Variants in IL7 observed in about 807,000 individuals in gnomAD.
IL7 encodes interleukin-7.
IL7 carries 3 observed loss-of-function variants against 21.6 expected under a neutral mutation model. The ratio of observed to expected loss-of-function variants is 0.14; its 90% CI spans 0.06 to 0.36. The LOEUF (loss-of-function observed/expected upper bound fraction) is 0.36, where lower values mean the gene tolerates loss of function less well. Among genes scored for constraint, IL7 ranks in the 10% least tolerant of loss-of-function variants. The pLI, the probability that IL7 is intolerant of heterozygous loss-of-function variation, is 1.00. For missense variants in IL7, 175 were observed against 200.2 expected, an observed-to-expected ratio of 0.87 and a Z score of 0.76; for synonymous variants, 62 against 68.1, an observed-to-expected ratio of 0.91 and a Z score of 0.44.
At chr8:78,681,020 C>CTTT (rs1809760019) in intron 4 of IL7, among the ~76,000 whole-genome samples, 1 of 151,364 alleles carries the variant, frequency 6.6e-6, no homozygotes, top group South Asian at 2.1e-4. Context: ...CCTTAGAAAA[C>CTTT]ATTAGTGAAA....
At chr8:78,794,146 G>T (rs1813781663) in intron 2 of IL7, among the ~76,000 whole-genome samples, 1 of 152,044 alleles carries the variant, frequency 6.6e-6, no homozygotes, top group Non-Finnish European at 1.5e-5. Context: ...TGGATATTTT[G>T]ACCTCCTCCC....
At chr8:78,681,734 T>G (rs948528509) in intron 4 of IL7, among the ~76,000 whole-genome samples, 2 of 152,146 alleles carry the variant, frequency 1.3e-5, no homozygotes, top group Admixed American at 6.5e-5. Flanking sequence ...ATTTTATATT[T>G]GTTCTGGTAT....
intron 2 of IL7, among the ~76,000 whole-genome samples, chr8:78,792,844 C>A (rs1370056619): frequency 2.0e-5 from 3 of 152,014 alleles, no homozygotes; most frequent in African/African-American, 7.2e-5. Flanking sequence ...AATGGTGCAG[C>A]CTCTTTAGAA....
At chr8:78,729,484 G>T (rs139351643), downstream of IL7, among the ~76,000 whole-genome samples, 5 of 152,060 alleles carry the variant, frequency 3.3e-5, no homozygotes, top group African/African-American at 9.6e-5. Context: ...AATTTACCCC[G>T]AGTGAAAGTA....
intron 5 of IL7, among the ~76,000 whole-genome samples, chr8:78,720,633 G>C (rs1811220316): frequency 6.6e-6 from 1 of 151,750 alleles, no homozygotes; most frequent in Non-Finnish European, 1.5e-5. Context: ...AGTTTTCTTT[G>C]TTTTGTTGTG....
chr8:78,726,371 G>A (rs947034141), intron 3 of IL7, among the ~76,000 whole-genome samples: 3 of 151,866 alleles, frequency 2.0e-5, no homozygotes, highest in Non-Finnish European at 2.9e-5. Context: ...GTGAGAGCCC[G>A]GTACCTCTGG....
At chr8:78,741,968 G>C (rs554767774) in intron 2 of IL7, among the ~76,000 whole-genome samples, 68 of 152,238 alleles carry the variant, frequency 4.5e-4, no homozygotes, top group Admixed American at 1.2e-3. Flanking sequence ...CTTGACCAAA[G>C]TCCCAATAAT....
intron 2 of IL7, among the ~76,000 whole-genome samples, chr8:78,750,121 A>C (rs751994627): frequency 1.1e-4 from 17 of 152,138 alleles, no homozygotes; most frequent in Non-Finnish European, 2.1e-4. Flanking sequence ...ACCAGAGCCT[A>C]ACCTTCTGAG....
intron 3 of IL7, among the ~76,000 whole-genome samples, chr8:78,691,381 ATTTG>A (rs1424515546): frequency 6.6e-6 from 1 of 152,064 alleles, no homozygotes; most frequent in Admixed American, 6.6e-5. Context: ...CTGTGGCAAT[ATTTG>A]TTGTGTTGCA....
chr8:78,802,071 G>C (rs1330965353), intron 1 of IL7, among the ~76,000 whole-genome samples: 2 of 152,196 alleles, frequency 1.3e-5, no homozygotes, highest in East Asian at 3.8e-4. Flanking sequence ...CCCTGAAGAG[G>C]CTGAAATTGG....
intron 3 of IL7, among the ~76,000 whole-genome samples, chr8:78,725,198 A>G (rs1204259786): frequency 1.3e-5 from 2 of 152,036 alleles, no homozygotes; most frequent in African/African-American, 4.8e-5. Context: ...TCTGAAACAA[A>G]TAATATGAAA....
At chr8:78,677,112 C>T (rs758325953) in intron 4 of IL7, among the ~76,000 whole-genome samples, 3 of 151,988 alleles carry the variant, frequency 2.0e-5, no homozygotes, top group African/African-American at 7.2e-5. Flanking sequence ...CTGCAAGACA[C>T]GAAATAATCC....
In IL7 at chr8:78,712,028, G is replaced by A. The variant is rs531383717; in HGVS notation, n.214+9320C>T. 3 of 1,289,718 alleles carry A rather than the reference G, an allele frequency of 2.3e-6. No homozygotes were observed. The Admixed American group carries it at 6.9e-5, about 30-fold the overall frequency. 79.9% of individuals were successfully genotyped at this position (1,289,718 alleles called of 1,614,324 possible). On this transcript the variant is annotated intron_variant and non_coding_transcript_variant, in intron 3 of 4. Transcript: ENST00000523959. Reference sequence around the variant, plus strand: ...TTAGGCCCTCCACTTCGAACGGGAAGACTTGTGCAAAGGTTGTATGACAGT... The same window carrying A: ...TTAGGCCCTCCACTTCGAACGGGAAAACTTGTGCAAAGGTTGTATGACAGT...
chr8:78,693,428 C>A (rs1306529091), intron 3 of IL7, among the ~76,000 whole-genome samples: 3 of 152,202 alleles, frequency 2.0e-5, no homozygotes, highest in Non-Finnish European at 1.5e-5. Context: ...GCCATTCTAA[C>A]TGGTGTGAGA....
chr8:78,687,807 TG>T, intron 3 of IL7, among the ~76,000 whole-genome samples: 1 of 136,450 alleles, frequency 7.3e-6, no homozygotes, highest in African/African-American at 2.7e-5. Context: ...TATATATTCA[TG>T]TAATAAATAT....
At chr8:78,711,105 T>C (rs1489623629) in intron 3 of IL7, among the ~76,000 whole-genome samples, 1 of 152,072 alleles carries the variant, frequency 6.6e-6, no homozygotes, top group Non-Finnish European at 1.5e-5. Context: ...AGTGAATAAG[T>C]AAAGAAATGA....
At chr8:78,797,999 T>G in intron 2 of IL7, 73 bp downstream of exon 2, 1 of 1,211,680 alleles carries the variant, frequency 8.3e-7, no homozygotes, top group South Asian at 1.6e-5. Flanking sequence ...TACTTGATTA[T>G]AAAACTGCAT....
chr8:78,746,936 T>A (rs907020333), intron 2 of IL7: 1 of 406,742 alleles, frequency 2.5e-6, no homozygotes, highest in Non-Finnish European at 4.8e-6. Context: ...TTCTTCTGAA[T>A]TTTTTTCATA....
At chr8:78,772,291 A>T (rs1812983654) in intron 2 of IL7, among the ~76,000 whole-genome samples, 1 of 152,200 alleles carries the variant, frequency 6.6e-6, no homozygotes, top group Admixed American at 6.5e-5. Flanking sequence ...AGTGCTAGCA[A>T]AATTCAAGAC....
Sources: allele counts gnomAD v4.1 joint callset (sites outside exome capture counted in the v4.1 genomes callset), GRCh38; gene constraint gnomAD v4.1.1; transcripts MANE v1.5; gene names NCBI Gene and HGNC (gene_info 2026-07-23, HGNC 2026-07-21).